PDE1C: variants seen among roughly 807,000 people sequenced by gnomAD.
The protein encoded by PDE1C is dual specificity calcium/calmodulin-dependent 3',5'-cyclic nucleotide phosphodiesterase 1C.
Under a neutral mutation model 93.1 loss-of-function variants are expected in PDE1C, and 62 were observed. The observed-to-expected ratio is 0.67, with a 90% CI of 0.54 to 0.82. PDE1C has a LOEUF of 0.82. PDE1C is among the 40% of genes least tolerant of loss of function. The pLI is 0.00. For missense variants in PDE1C, 742 were observed against 884.6 expected (o/e 0.84, Z 2.04); for synonymous variants, 325 against 310.1 (o/e 1.05, Z -0.50).
chr7:31,845,100 A>G (rs1320711633), intron 9 of PDE1C, among the ~76,000 whole-genome samples: 1 of 152,124 alleles, frequency 6.6e-6, no homozygotes, highest in East Asian at 1.9e-4. Context: ...CATCCCTTAT[A>G]ACACAGCTCC....
At chr7:31,645,647 G>T in the PDE1C span, among the ~76,000 whole-genome samples, 3 of 151,980 alleles carry the variant, frequency 2.0e-5, no homozygotes, top group Non-Finnish European at 4.4e-5. Flanking sequence ...TTTGTTGAGG[G>T]GATTTTAAAT....
chr7:32,137,825 A>T (rs1241034485), intron 3 of PDE1C, among the ~76,000 whole-genome samples: 1 of 152,152 alleles, frequency 6.6e-6, no homozygotes, highest in Non-Finnish European at 1.5e-5. Context: ...ATTCTCTTTG[A>T]CATCATCCCA....
intron 2 of PDE1C, among the ~76,000 whole-genome samples, chr7:31,990,355 T>C (rs948758336): frequency 6.6e-6 from 1 of 152,196 alleles, no homozygotes; most frequent in African/African-American, 2.4e-5. Flanking sequence ...ATGTAAGACA[T>C]GACTTCGCTC....
At chr7:32,377,717 A>G (rs1423669145) in intron 1 of PDE1C, among the ~76,000 whole-genome samples, 3 of 152,194 alleles carry the variant, frequency 2.0e-5, no homozygotes, top group Non-Finnish European at 4.4e-5. Flanking sequence ...TGAGACACAA[A>G]GAGATTAAGT....
At chr7:32,232,898 A>G (rs1158664516) in intron 1 of PDE1C, among the ~76,000 whole-genome samples, 1 of 152,242 alleles carries the variant, frequency 6.6e-6, no homozygotes, top group Non-Finnish European at 1.5e-5. Flanking sequence ...CAACTGGGTC[A>G]ACTGGCTGCC....
At chr7:32,204,599 T>C (rs534065429) in intron 2 of PDE1C, among the ~76,000 whole-genome samples, 3 of 152,346 alleles carry the variant, frequency 2.0e-5, no homozygotes, top group African/African-American at 7.2e-5. Flanking sequence ...TCTGCCACAC[T>C]GTGGCCACGT....
chr7:31,981,101 A>G (rs1190464620), intron 2 of PDE1C, among the ~76,000 whole-genome samples: 1 of 152,222 alleles, frequency 6.6e-6, no homozygotes, highest in Non-Finnish European at 1.5e-5. Context: ...TATGACTCTT[A>G]AAGTCTTTTC....
At position 31,829,111 on chromosome 7, in the gene PDE1C, T is replaced by G. The variant is rs149758775; in HGVS notation, c.1204-738A>C. The stretch of plus-strand genomic sequence containing the variant: ...CCCAGAGGAAAGGAAAAATAATATG[T>G]CACCCTTCTTATAGTAGTGAAGCTG... On this transcript the variant is annotated intron_variant, in intron 11 of 17. Transcript: ENST00000396191. Among the ~76,000 whole-genome samples, 947 of 152,274 alleles carry G rather than the reference T, an allele frequency of 6.2e-3. 2 individuals are homozygous for G. The highest frequency in any genetic ancestry group is 0.01 in the Non-Finnish European group (714 of 68,020).
At chr7:31,682,736 AGAT>A in the PDE1C span, among the ~76,000 whole-genome samples, 1 of 152,232 alleles carries the variant, frequency 6.6e-6, no homozygotes, top group Non-Finnish European at 1.5e-5. Context: ...GTCTTTCAGC[AGAT>A]GAATGGGTTA....
At chr7:32,212,083 T>G (rs527633704) in intron 1 of PDE1C, among the ~76,000 whole-genome samples, 1 of 150,170 alleles carries the variant, frequency 6.7e-6, no homozygotes, top group African/African-American at 2.4e-5. Flanking sequence ...GATCCAGGGT[T>G]TTACCAAAAC....
At chr7:32,020,092 G>A (rs888990209) in intron 2 of PDE1C, among the ~76,000 whole-genome samples, 7 of 152,094 alleles carry the variant, frequency 4.6e-5, no homozygotes, top group African/African-American at 1.4e-4. Flanking sequence ...GAGAGCCCAT[G>A]CCGGGATCCC....
chr7:31,676,667 T>G, the PDE1C span, among the ~76,000 whole-genome samples: 9 of 151,968 alleles, frequency 5.9e-5, no homozygotes, highest in Admixed American at 5.9e-4. Context: ...AAGCAAAATT[T>G]AAAAAGCCAA....
intron 3 of PDE1C, among the ~76,000 whole-genome samples, chr7:32,127,826 T>C (rs978775918): frequency 1.3e-5 from 2 of 152,018 alleles, no homozygotes; most frequent in Admixed American, 1.3e-4. Flanking sequence ...AAAGTTAGTA[T>C]AATTTCAACG....
chr7:31,676,443 C>T, the PDE1C span, among the ~76,000 whole-genome samples: 3 of 152,054 alleles, frequency 2.0e-5, no homozygotes, highest in African/African-American at 7.2e-5. Flanking sequence ...CACACACACA[C>T]ACAATTAGCT....
the PDE1C span, among the ~76,000 whole-genome samples, chr7:31,623,508 C>T: frequency 4.6e-5 from 7 of 151,836 alleles, no homozygotes; most frequent in African/African-American, 7.2e-5. Flanking sequence ...AAAAATGACA[C>T]GATTATCTCA....
chr7:32,182,674 T>A (rs1440331425), intron 2 of PDE1C, among the ~76,000 whole-genome samples: 1 of 152,108 alleles, frequency 6.6e-6, no homozygotes, highest in Admixed American at 6.5e-5. Flanking sequence ...CTGTCTATGA[T>A]AAACCCACAG....
intron 1 of PDE1C, among the ~76,000 whole-genome samples, chr7:32,364,162 T>C (rs543929377): frequency 2.1e-4 from 32 of 152,314 alleles, no homozygotes; most frequent in Non-Finnish European, 3.4e-4. Flanking sequence ...GGATTCCCCA[T>C]TGAGGTTTCC....
chr7:31,655,083 G>A, the PDE1C span, among the ~76,000 whole-genome samples: 1 of 152,024 alleles, frequency 6.6e-6, no homozygotes, highest in Non-Finnish European at 1.5e-5. Context: ...CTGATTCCCA[G>A]CTCTCTCCAG....
chr7:32,198,282 C>A (rs1804757326), intron 2 of PDE1C, among the ~76,000 whole-genome samples: 1 of 152,280 alleles, frequency 6.6e-6, no homozygotes, highest in Non-Finnish European at 1.5e-5. Flanking sequence ...AAATATTATT[C>A]AATTTGACTT....
Sources: gnomAD v4.1 joint callset for allele counts (sites outside exome capture counted in the v4.1 genomes callset) on GRCh38, gnomAD v4.1.1 for gene constraint, MANE v1.5 for transcripts, NCBI Gene and HGNC (gene_info 2026-07-23, HGNC 2026-07-21) for gene names.